Variants in DTNA observed in about 807,000 individuals in gnomAD.
DTNA encodes the protein dystrophin-related protein 3.
A neutral mutation model predicts 100.7 loss-of-function variants in DTNA; 43 were observed. That is an observed-to-expected ratio of 0.43 (90% CI 0.33 to 0.55). The LOEUF is 0.55. DTNA is among the 20% of genes least tolerant of loss of function. DTNA has a pLI of 0.04. For synonymous variants in DTNA, 349 were observed against 347.9 expected, an observed-to-expected ratio of 1.00 and a Z score of -0.04; for missense variants, 798 against 953.9, an observed-to-expected ratio of 0.84 and a Z score of 2.15.
At chr18:34,802,284 A>C (rs902452291) in intron 4 of DTNA, among the ~76,000 whole-genome samples, 1 of 152,188 alleles carries the variant, frequency 6.6e-6, no homozygotes, top group Non-Finnish European at 1.5e-5. Context: ...GTGCAGTTTT[A>C]CTACCTTACT....
chr18:34,501,276 A>G (rs2039893057), intron 1 of DTNA, among the ~76,000 whole-genome samples: 1 of 152,190 alleles, frequency 6.6e-6, no homozygotes, highest in African/African-American at 2.4e-5. Flanking sequence ...TCAATTTTTA[A>G]CTATTGGACC....
upstream of DTNA, among the ~76,000 whole-genome samples, chr18:34,707,246 G>A (rs1013565405): frequency 2.0e-5 from 3 of 152,084 alleles, no homozygotes; most frequent in African/African-American, 7.2e-5. Flanking sequence ...TATGGGACTA[G>A]GATTTGGCAA....
rs1370956956 is a variant in DTNA at position 34,889,096 on chromosome 18, GA to G, written c.*1367del. On this transcript the variant is annotated 3_prime_UTR_variant, in exon 23 of 23. Transcript: ENST00000444659. ...CTCCTTTGGGAATTCTGGGGAAAAA[GA>G]AAAAGTAATCTTCTACTTGCTTCAA... The G allele has an allele frequency of 1.0e-6, 1 of 985,120 alleles. No individual in the cohort carries two copies. The highest frequency in any genetic ancestry group is 6.1e-5 in the Admixed American group (1 of 16,272). 61.0% of individuals were successfully genotyped at this position (985,120 alleles called of 1,614,324 possible).
chr18:34,542,280 A>G (rs1370152880), intron 1 of DTNA, among the ~76,000 whole-genome samples: 1 of 152,102 alleles, frequency 6.6e-6, no homozygotes, highest in Non-Finnish European at 1.5e-5. Context: ...GTAATTTGCC[A>G]CTGAGAACCC....
At chr18:34,615,560 A>G (rs1022528906) in intron 1 of DTNA, among the ~76,000 whole-genome samples, 6 of 152,086 alleles carry the variant, frequency 3.9e-5, no homozygotes, top group Non-Finnish European at 7.4e-5. Flanking sequence ...GGAGGTAAAG[A>G]TTTTTTTAAC....
chr18:34,561,639 C>G (rs1165667577), intron 1 of DTNA, among the ~76,000 whole-genome samples: 5 of 151,864 alleles, frequency 3.3e-5, no homozygotes, highest in Admixed American at 2.6e-4. Flanking sequence ...ATTTAATGGC[C>G]TTATTTGCTT....
intron 1 of DTNA, among the ~76,000 whole-genome samples, chr18:34,591,357 A>T (rs951372223): frequency 6.6e-6 from 1 of 152,264 alleles, no homozygotes; most frequent in Non-Finnish European, 1.5e-5. Flanking sequence ...TCTAAGATGT[A>T]GGCCAACAAA....
chr18:34,699,411 T>C (rs182295435), intron 1 of DTNA, among the ~76,000 whole-genome samples: 4 of 152,316 alleles, frequency 2.6e-5, no homozygotes, highest in African/African-American at 4.8e-5. Flanking sequence ...TTTTAACAGA[T>C]TGGATTAGGC....
intron 1 of DTNA, among the ~76,000 whole-genome samples, chr18:34,624,669 C>A (rs9973194): frequency 7.6e-4 from 115 of 152,186 alleles, no homozygotes; most frequent in African/African-American, 2.7e-3. Flanking sequence ...CTGTTAAATT[C>A]TTTTTATAAA....
intron 14 of DTNA, among the ~76,000 whole-genome samples, chr18:34,848,950 C>T (rs555420180): frequency 6.6e-6 from 1 of 152,274 alleles, no homozygotes; most frequent in Non-Finnish European, 1.5e-5. Context: ...TTGCCTGCAC[C>T]TCTCACATCA....
At chr18:34,790,202 G>GAAC (rs1555797240) in intron 3 of DTNA, among the ~76,000 whole-genome samples, 2 of 152,168 alleles carry the variant, frequency 1.3e-5, no homozygotes, top group Non-Finnish European at 2.9e-5. Context: ...CTAGGGGTGT[G>GAAC]AACAGTTATC....
At chr18:34,600,376 G>A (rs1460397061) in intron 1 of DTNA, among the ~76,000 whole-genome samples, 4 of 152,138 alleles carry the variant, frequency 2.6e-5, no homozygotes, top group East Asian at 1.9e-4. Flanking sequence ...TTTAAAAAGA[G>A]CAATAGAGTT....
chr18:34,890,743 T>C lies in DTNA; in HGVS notation c.*3009T>C. ...CTGGAGATTGTGAAAAATGGGTTCTTGAATGATCTACTATAAGGCAGGGAA... is the reference window on the plus strand; with the variant it reads ...CTGGAGATTGTGAAAAATGGGTTCTCGAATGATCTACTATAAGGCAGGGAA... On this transcript the variant is annotated 3_prime_UTR_variant, in exon 23 of 23. Transcript: ENST00000444659. 2.4e-6 allele frequency: 1 copy of C among 421,864 alleles called. No individual in the cohort carries two copies. The highest frequency in any genetic ancestry group is 4.3e-6 in the Non-Finnish European group (1 of 231,742). The allele number at this position is 421,864 out of a possible 1,614,324, so 26.1% of individuals were successfully genotyped here. A position where few individuals can be genotyped will look rare whatever the true frequency, so the allele number is the denominator to read the frequency against.
At chr18:34,622,464 C>T (rs1261235073) in intron 1 of DTNA, among the ~76,000 whole-genome samples, 2 of 152,176 alleles carry the variant, frequency 1.3e-5, no homozygotes, top group East Asian at 3.9e-4. Flanking sequence ...GTCAACTTGA[C>T]CGGATTAAGG....
chr18:34,805,870 A>G (rs2095348592), intron 4 of DTNA, among the ~76,000 whole-genome samples: 1 of 152,152 alleles, frequency 6.6e-6, no homozygotes, highest in Non-Finnish European at 1.5e-5. Flanking sequence ...AAATCATTTT[A>G]TGAAACTCCA....
chr18:34,887,727 T>A (rs1232385319), intron 22 of DTNA, 39 bp from the exon 23 acceptor site: 1 of 985,264 alleles, frequency 1.0e-6, no homozygotes, highest in Non-Finnish European at 1.2e-6. Flanking sequence ...TAGAAACAAT[T>A]TGCATCTTTA....
intron 1 of DTNA, among the ~76,000 whole-genome samples, chr18:34,588,416 T>G (rs1172933308): frequency 2.0e-5 from 3 of 152,118 alleles, no homozygotes; most frequent in Non-Finnish European, 4.4e-5. Flanking sequence ...CCAGATTCTG[T>G]TTCCCGCCTG....
intron 1 of DTNA, among the ~76,000 whole-genome samples, chr18:34,557,652 TG>T (rs928586698): frequency 0.012 from 1,858 of 151,574 alleles, 34 homozygotes; most frequent in African/African-American, 0.043. Flanking sequence ...GTGCCCCTGC[TG>T]GGGGGGTGCC....
rs2046276008 is a variant in DTNA, at chr18:34,558,050, G to T, written c.-2+64536G>T. ...CGTGGGCGTAGGACCCTCCGAGCCA[G>T]GTGCGGGATATAATCTCATGGTGTG... On this transcript the variant is annotated intron_variant, in intron 1 of 19. Coordinates refer to the DTNA transcript ENST00000283365. 4 of 153,588 alleles carry T rather than the reference G, an allele frequency of 2.6e-5. No individual in the cohort carries two copies. In the Admixed American group the frequency reaches 2.6e-4, roughly 10 times the overall value. 9.5% of individuals were successfully genotyped at this position (153,588 alleles called of 1,614,324 possible).
Sources: gnomAD v4.1 joint callset for allele counts (sites outside exome capture counted in the v4.1 genomes callset) on GRCh38, gnomAD v4.1.1 for gene constraint, MANE v1.5 for transcripts, NCBI Gene and HGNC (gene_info 2026-07-23, HGNC 2026-07-21) for gene names.